Variants in CCDC170 observed in about 807,000 individuals in gnomAD.
CCDC170 encodes the protein coiled-coil domain containing 170.
Under a neutral mutation model 72.6 loss-of-function variants are expected in CCDC170, and 69 were observed. That is an observed-to-expected ratio of 0.95 (90% CI 0.78 to 1.16). CCDC170 has a LOEUF of 1.16. Among genes scored for constraint, CCDC170 ranks in the 50% most tolerant of loss-of-function variants. CCDC170 has a pLI of 0.00. For synonymous variants in CCDC170, 300 were observed against 303.9 expected (o/e 0.99, Z 0.13); for missense variants, 852 against 832.5 (o/e 1.02, Z -0.29).
At chr6:151,604,343 C>A (rs1776753394) in intron 9 of CCDC170, among the ~76,000 whole-genome samples, 1 of 152,110 alleles carries the variant, frequency 6.6e-6, no homozygotes, top group African/African-American at 2.4e-5. Context: ...TGAGCTTTTC[C>A]CACTTCTGAA....
intron 5 of CCDC170, among the ~76,000 whole-genome samples, chr6:151,563,897 G>A (rs1393575657): frequency 6.6e-6 from 1 of 152,128 alleles, no homozygotes; most frequent in Non-Finnish European, 1.5e-5. Flanking sequence ...CTGCAGCTCA[G>A]CTTCTTTTTG....
intron 6 of CCDC170, among the ~76,000 whole-genome samples, chr6:151,576,902 G>T (rs1433787087): frequency 6.6e-6 from 1 of 152,118 alleles, no homozygotes; most frequent in Non-Finnish European, 1.5e-5. Context: ...GCGGGTTCAG[G>T]CTCAGCTTGG....
intron 1 of CCDC170, among the ~76,000 whole-genome samples, chr6:151,528,412 G>C (rs575916703): frequency 1.8e-4 from 27 of 152,322 alleles, no homozygotes; most frequent in Non-Finnish European, 3.5e-4. Context: ...ACCTATGGTT[G>C]TTTCTTTGTC....
intron 1 of CCDC170, among the ~76,000 whole-genome samples, chr6:151,524,995 C>G (rs559242899): frequency 7.5e-6 from 1 of 133,924 alleles, no homozygotes; most frequent in Non-Finnish European, 1.5e-5. Context: ...TGCAGTGGTG[C>G]AATCTCGGCT....
chr6:151,495,121 C>G (rs553749753), intron 1 of CCDC170, among the ~76,000 whole-genome samples: 1 of 152,340 alleles, frequency 6.6e-6, no homozygotes, highest in Non-Finnish European at 1.5e-5. Flanking sequence ...GAGTTGGATT[C>G]TCCAACGTGC....
chr6:151,567,584 C>T (rs947957452), intron 5 of CCDC170, among the ~76,000 whole-genome samples: 6 of 152,028 alleles, frequency 3.9e-5, no homozygotes, highest in Admixed American at 3.9e-4. Context: ...GTCAACAGTT[C>T]TATTAGTTTA....
chr6:151,589,835 G>A (rs1776507430), intron 7 of CCDC170, among the ~76,000 whole-genome samples: 1 of 151,936 alleles, frequency 6.6e-6, no homozygotes, highest in Non-Finnish European at 1.5e-5. Context: ...CTGGCCAGGT[G>A]GCCTCTCCAT....
chr6:151,596,188 T>G lies in CCDC170; in HGVS notation c.1468-147T>G, dbSNP rs949541113. 80 of 997,188 alleles carry G rather than the reference T, an allele frequency of 8.0e-5. No individual in the cohort carries two copies. The South Asian group carries it at 1.5e-3, about 19-fold the overall frequency. The allele number at this position is 997,188 out of a possible 1,614,324, so 61.8% of individuals were successfully genotyped here. A position where few individuals can be genotyped will look rare whatever the true frequency, so the allele number is the denominator to read the frequency against. Reference sequence around the variant, plus strand: ...GAAAGGGTATGAGTAAAAAATGCAATCAGGAAAAGGAATCCAATGACTTTT... The same window carrying G: ...GAAAGGGTATGAGTAAAAAATGCAAGCAGGAAAAGGAATCCAATGACTTTT... On this transcript the variant is annotated intron_variant, in intron 8 of 10. Coordinates refer to ENST00000239374, the MANE Select transcript of CCDC170 (RefSeq NM_025059.4).
chr6:151,613,145 T>C (rs1231099293), intron 9 of CCDC170, among the ~76,000 whole-genome samples: 1 of 152,206 alleles, frequency 6.6e-6, no homozygotes, highest in Non-Finnish European at 1.5e-5. Context: ...CTGGGTGCAC[T>C]GTATTCCCAA....
rs1195410892 is a variant in CCDC170 at position 151,585,917 on chromosome 6, C to A, written c.1121C>A (p.Ser374Tyr). 1.9e-6 allele frequency: 3 copies of A among 1,613,844 alleles called. No individual in the cohort carries two copies. Among genetic ancestry groups the A allele is most frequent in the East Asian group, 2.2e-5 (1 of 44,862 alleles). ...RMVSQLEAQI[S>Y]ELVEQLGKES... ...GTCTCCCAGCTTGAAGCCCAAATATCTGAGCTTGTTGAACAGTTGGGAAAG... is the reference window on the plus strand; with the variant it reads ...GTCTCCCAGCTTGAAGCCCAAATATATGAGCTTGTTGAACAGTTGGGAAAG... The change falls in exon 7 of 11, where the codon TCT (serine) becomes TAT (tyrosine). Residue 374 changes from serine (S) to tyrosine (Y), a missense_variant. Physicochemically the swap from Ser to Tyr is moderately radical, Grantham distance 144 (BLOSUM62 -2). Coordinates refer to ENST00000239374, the MANE Select transcript of CCDC170 (RefSeq NM_025059.4).
chr6:151,571,460 G>A (rs1353852379), intron 5 of CCDC170, among the ~76,000 whole-genome samples: 2 of 152,144 alleles, frequency 1.3e-5, no homozygotes, highest in Admixed American at 6.5e-5. Flanking sequence ...TTTTAAAGAT[G>A]CTCATGCCTG....
intron 5 of CCDC170, among the ~76,000 whole-genome samples, chr6:151,557,928 A>G (rs941516729): frequency 1.3e-5 from 2 of 152,154 alleles, no homozygotes; most frequent in Admixed American, 1.3e-4. Context: ...GCCAAACTCC[A>G]TCTCTGCTGA....
intron 9 of CCDC170, among the ~76,000 whole-genome samples, chr6:151,604,213 T>C (rs570153641): frequency 6.6e-6 from 1 of 152,122 alleles, no homozygotes; most frequent in African/African-American, 2.4e-5. Flanking sequence ...CCACATTCCT[T>C]CCCCACTCCA....
rs2115121770 is a variant in CCDC170, at chr6:151,597,968, T to C, written c.1710+1391T>C. Among the ~76,000 whole-genome samples the C allele has an allele frequency of 1.3e-5, 2 of 152,326 alleles. 1 individual carries two copies. Among genetic ancestry groups the C allele is most frequent in the East Asian group, 3.9e-4 (2 of 5,170 alleles). On this transcript the variant is annotated intron_variant, in intron 9 of 10. Transcript: ENST00000239374. ...CCTTGAACATGTGTAGTGGGGACCA[T>C]GTTTTAGAACATATTTTCCACTGTA...
intron 4 of CCDC170, among the ~76,000 whole-genome samples, chr6:151,547,619 T>G (rs1228344404): frequency 6.6e-6 from 1 of 152,094 alleles, no homozygotes; most frequent in East Asian, 1.9e-4. Context: ...TCAACACAAA[T>G]GCTGGCCCTG....
intron 7 of CCDC170, among the ~76,000 whole-genome samples, chr6:151,588,840 C>G (rs1381867526): frequency 1.3e-5 from 2 of 151,944 alleles, no homozygotes; most frequent in East Asian, 3.9e-4. Context: ...ACCTGGGAGG[C>G]TGAGATGGGA....
intron 1 of CCDC170, among the ~76,000 whole-genome samples, chr6:151,508,092 C>T (rs1365453094): frequency 1.3e-5 from 2 of 152,166 alleles, no homozygotes; most frequent in Non-Finnish European, 2.9e-5. Context: ...TTCAGTCTCC[C>T]TAGTTCCACA....
chr6:151,598,646 T>G lies in CCDC170; in HGVS notation c.1710+2069T>G, dbSNP rs372588543. Among the ~76,000 whole-genome samples the G allele has an allele frequency of 3.3e-5, 5 of 152,304 alleles. No homozygotes were observed. The South Asian group carries it at 8.3e-4, about 25-fold the overall frequency. On this transcript the variant is annotated intron_variant, in intron 9 of 10. Transcript: ENST00000239374. ...GCATGAGGGCCAGAATCACTTTTTCTAAAATCACAAGGACTTTCCTCCACC... is the reference window on the plus strand; with the variant it reads ...GCATGAGGGCCAGAATCACTTTTTCGAAAATCACAAGGACTTTCCTCCACC...
intron 1 of CCDC170, among the ~76,000 whole-genome samples, chr6:151,536,103 G>A (rs1425736822): frequency 6.6e-6 from 1 of 152,132 alleles, no homozygotes; most frequent in Non-Finnish European, 1.5e-5. Flanking sequence ...CATCCTGGAG[G>A]AGCACATCAT....
Sources: gnomAD v4.1 joint callset for allele counts (sites outside exome capture counted in the v4.1 genomes callset) on GRCh38, gnomAD v4.1.1 for gene constraint, MANE v1.5 for transcripts, NCBI Gene and HGNC (gene_info 2026-07-23, HGNC 2026-07-21) for gene names.